Variants in TEN1 observed in about 807,000 individuals in gnomAD.
TEN1 encodes the protein CST complex subunit TEN1.
In TEN1, 6 loss-of-function variants were observed where a neutral mutation model predicts 9.3. The observed-to-expected ratio is 0.65, with a 90% CI of 0.35 to 1.27. The LOEUF is 1.27. TEN1 is among the 50% of genes most tolerant of loss of function. TEN1 has a pLI of 0.03. For missense variants in TEN1, 149 were observed against 158.2 expected, an observed-to-expected ratio of 0.94 and a Z score of 0.31; for synonymous variants, 65 against 65.6, an observed-to-expected ratio of 0.99 and a Z score of 0.04.
At chr17:75,990,646 C>T (rs1283948720) in intron 2 of TEN1, among the ~76,000 whole-genome samples, 3 of 150,806 alleles carry the variant, frequency 2.0e-5, no homozygotes, top group African/African-American at 7.3e-5. Flanking sequence ...CCAGTGTGGA[C>T]AACATAGCAA....
chr17:75,990,419 G>C (rs1374187330), intron 2 of TEN1, among the ~76,000 whole-genome samples: 1 of 151,868 alleles, frequency 6.6e-6, no homozygotes, highest in East Asian at 1.9e-4. Context: ...TTTACACTGT[G>C]TCATAGATTA....
At chr17:75,984,175 G>A (rs748468059) in intron 1 of TEN1, among the ~76,000 whole-genome samples, 6 of 152,142 alleles carry the variant, frequency 3.9e-5, no homozygotes, top group Non-Finnish European at 7.3e-5. Flanking sequence ...AGGCAAGAGG[G>A]GGACTGGCTA....
At chr17:75,995,327 G>A (rs573878247) in intron 3 of TEN1, among the ~76,000 whole-genome samples, 18 of 152,066 alleles carry the variant, frequency 1.2e-4, no homozygotes, top group African/African-American at 4.3e-4. Flanking sequence ...AGGAGTTCAA[G>A]ACCAGCCTGG....
At position 75,983,669 on chromosome 17, in the gene TEN1, T is replaced by TG. The variant is rs1302431044; in HGVS notation, c.-6-2518_-6-2517insG. Among the ~76,000 whole-genome samples the TG allele has an allele frequency of 3.3e-5, 5 of 152,162 alleles. No homozygotes were observed. In the East Asian group the frequency reaches 9.6e-4, roughly 29 times the overall value. On this transcript the variant is annotated intron_variant, in intron 1 of 3. Transcript: ENST00000397640. ...GGGAGTTGGTATTATTAGTCAATCT[T>TG]CTGGAAGGCTCAGAGATTAGACATT...
chr17:75,982,566 G>T (rs1043319984), intron 1 of TEN1, among the ~76,000 whole-genome samples: 5 of 152,286 alleles, frequency 3.3e-5, no homozygotes, highest in African/African-American at 9.6e-5. Context: ...GCATACACAT[G>T]TATTTGATCA....
chr17:75,979,401 G>A lies in TEN1; in HGVS notation c.-117G>A. 2.1e-6 allele frequency: 1 copy of A among 481,180 alleles called. No individual in the cohort carries two copies. Among genetic ancestry groups the A allele is most frequent in the Non-Finnish European group, 3.8e-6 (1 of 262,876 alleles). The allele number at this position is 481,180 out of a possible 1,614,324, so 29.8% of individuals were successfully genotyped here. On this transcript the variant is annotated 5_prime_UTR_variant, in exon 1 of 4. Coordinates refer to ENST00000397640, the MANE Select transcript of TEN1 (RefSeq NM_001113324.3). ...CGAAGGTCAAGAAACTGCCCTGCTGGGCGTCCGGGGAGTGGGAAAATAAAG... is the reference window on the plus strand; with the variant it reads ...CGAAGGTCAAGAAACTGCCCTGCTGAGCGTCCGGGGAGTGGGAAAATAAAG...
In TEN1 at chr17:75,995,048, C is replaced by G. The variant is rs2066210560; in HGVS notation, c.250+3425C>G. Among the ~76,000 whole-genome samples the G allele has an allele frequency of 2.0e-5, 3 of 151,870 alleles. No homozygotes were observed. The South Asian group carries it at 6.2e-4, about 32-fold the overall frequency. ...ACCAACCTGGGCAACATAGTGAGAC[C>G]CCATCTTTACAAAAATTAAAAAGTT... On this transcript the variant is annotated intron_variant, in intron 3 of 3. Transcript: ENST00000397640.
chr17:75,986,196 A>G lies in TEN1; in HGVS notation c.4A>G (p.Met2Val), dbSNP rs1322628164. 2 of 1,548,130 alleles carry G rather than the reference A, an allele frequency of 1.3e-6. No individual in the cohort carries two copies. Among genetic ancestry groups the G allele is most frequent in the Admixed American group, 2.0e-5 (1 of 50,468 alleles). M[M>V]LPKPGTYYLP... ...AACTATTTGGTTACAGGAGCCCATGATGCTGCCCAAACCTGGGACCTATTA... is the reference window on the plus strand; with the variant it reads ...AACTATTTGGTTACAGGAGCCCATGGTGCTGCCCAAACCTGGGACCTATTA... Residue 2 changes from methionine to valine, a missense_variant, in exon 2 of 4, where the codon ATG becomes GTG. By Grantham distance (21) the Met-to-Val change is conservative (BLOSUM62 1). Coordinates refer to ENST00000397640, the MANE Select transcript of TEN1 (RefSeq NM_001113324.3).
Position 75,991,523 on chromosome 17 carries a change from C to T in TEN1, c.150C>T (p.Ser50=), listed in dbSNP as rs781361291. The change falls in exon 3 of 4, where the codon TCC becomes TCT. Residue 50 remains serine, a synonymous_variant. Coordinates refer to ENST00000397640, the MANE Select transcript of TEN1 (RefSeq NM_001113324.3). ...TAACACTGATGGCTCAGCACGGATC[C>T]GATCAGCACCAGGTTCTTGTCTGTA... ...SRVTLMAQHG[S]DQHQVLVCTK... 4.5e-6 allele frequency: 7 copies of T among 1,552,178 alleles called. No homozygotes were observed. The highest frequency in any genetic ancestry group is 3.6e-5 in the South Asian group (3 of 84,066).
intron 1 of TEN1, among the ~76,000 whole-genome samples, chr17:75,980,776 G>A: frequency 6.6e-6 from 1 of 152,164 alleles, no homozygotes; most frequent in East Asian, 1.9e-4. Flanking sequence ...GTAAAACTAC[G>A]AGAGATGCAT....
At chr17:75,993,933 A>T (rs914265412) in intron 3 of TEN1, among the ~76,000 whole-genome samples, 4 of 150,714 alleles carry the variant, frequency 2.7e-5, no homozygotes, top group Non-Finnish European at 5.9e-5. Context: ...GAGGCGGAGG[A>T]GGTTGCAGTG....
rs2066096799 is a variant in TEN1 at position 75,979,455 on chromosome 17, C to T, written c.-63C>T. ...TTTTTGTATCCCGCCCCTCCCCCGT[C>T]ACGTGACCACGCGAGGCGGAAAGAA... On this transcript the variant is annotated 5_prime_UTR_variant, in exon 1 of 4. Transcript: ENST00000397640. The T allele has an allele frequency of 2.8e-6, 1 of 354,194 alleles. No individual in the cohort carries two copies. The highest frequency in any genetic ancestry group is 5.4e-6 in the Non-Finnish European group (1 of 183,806). 21.9% of individuals were successfully genotyped at this position (354,194 alleles called of 1,614,324 possible).
chr17:75,983,448 T>C (rs966289384), intron 1 of TEN1, among the ~76,000 whole-genome samples: 4 of 152,262 alleles, frequency 2.6e-5, no homozygotes, highest in Non-Finnish European at 4.4e-5. Context: ...CCCCTCATGT[T>C]AGTGAGCACA....
chr17:75,982,698 G>GTTTT (rs2066128606), intron 1 of TEN1, among the ~76,000 whole-genome samples: 1 of 143,282 alleles, frequency 7.0e-6, no homozygotes, highest in South Asian at 2.2e-4. Flanking sequence ...ATTGATCATA[G>GTTTT]TTTTATTTAT....
chr17:75,980,279 C>T (rs1364177727), intron 1 of TEN1, among the ~76,000 whole-genome samples: 1 of 152,014 alleles, frequency 6.6e-6, no homozygotes, highest in Admixed American at 6.5e-5. Flanking sequence ...GTGGAGGTTG[C>T]GGTGAGCCAA....
In TEN1 at chr17:75,979,285, C is replaced by T. The variant is rs1160954868; in HGVS notation, c.-233C>T. 4.4e-6 allele frequency: 3 copies of T among 680,482 alleles called. No homozygotes were observed. Among genetic ancestry groups the T allele is most frequent in the Admixed American group, 4.9e-5 (2 of 40,558 alleles). The allele number at this position is 680,482 out of a possible 1,614,324, so 42.2% of individuals were successfully genotyped here. Reference sequence around the variant, plus strand: ...GCGGCCCAGACAGAGGGGGCGATGTCCGCGTCGTGGCTGGGGCCGGTCGCG... The same window carrying T: ...GCGGCCCAGACAGAGGGGGCGATGTTCGCGTCGTGGCTGGGGCCGGTCGCG... On this transcript the variant is annotated 5_prime_UTR_variant, in exon 1 of 4. Coordinates refer to ENST00000397640, the MANE Select transcript of TEN1 (RefSeq NM_001113324.3).
chr17:76,000,522 G>GGCGCCGGGGCCGTGCT lies in TEN1; in HGVS notation c.*260_*261insGCGCCGGGGCCGTGCT. 3 of 501,040 alleles carry GGCGCCGGGGCCGTGCT rather than the reference G, an allele frequency of 6.0e-6. No individual in the cohort carries two copies. Among genetic ancestry groups the GGCGCCGGGGCCGTGCT allele is most frequent in the Non-Finnish European group, 1.0e-5 (3 of 288,760 alleles). 31.0% of individuals were successfully genotyped at this position (501,040 alleles called of 1,614,324 possible). On this transcript the variant is annotated 3_prime_UTR_variant, in exon 4 of 4. Transcript: ENST00000397640. This position sits in a 1 kb window ranked among gnomAD's most constrained non-coding sequence, Gnocchi z 5.9. ...AGCTTGGGCGCCGGGGCCGTGCTTG[G>GGCGCCGGGGCCGTGCT]TGTGGGGCCATGGAGGGTTCCAGAA...
chr17:75,988,582 A>AAAG (rs1567896636), intron 2 of TEN1, among the ~76,000 whole-genome samples: 4 of 140,276 alleles, frequency 2.9e-5, no homozygotes, highest in African/African-American at 1.2e-4. Flanking sequence ...AAAAAAAAAA[A>AAAG]AAAAAGAAAA....
At chr17:75,988,240 CA>C (rs749108730) in intron 2 of TEN1, among the ~76,000 whole-genome samples, 5,509 of 89,334 alleles carry the variant, frequency 0.062, 119 homozygotes, top group Non-Finnish European at 0.089. Context: ...AATTCGGCCT[CA>C]AAAAAAAAAA....
Sources: allele counts gnomAD v4.1 joint callset (sites outside exome capture counted in the v4.1 genomes callset), GRCh38; gene constraint gnomAD v4.1.1; non-coding constraint Gnocchi (gnomAD v3.1); transcripts MANE v1.5; gene names NCBI Gene and HGNC (gene_info 2026-07-23, HGNC 2026-07-21).